The following CLVS1 variants were observed in gnomAD, a reference collection of about 807,000 sequenced individuals.
CLVS1 encodes the protein clavesin 1.
A neutral mutation model predicts 33.1 loss-of-function variants in CLVS1; 10 were observed. That is an observed-to-expected ratio of 0.30 (90% CI 0.19 to 0.51). The LOEUF (loss-of-function observed/expected upper bound fraction) is 0.51. CLVS1 is among the 20% of genes least tolerant of loss of function. CLVS1 has a pLI of 0.97. For synonymous variants in CLVS1, 163 were observed against 166.1 expected (o/e 0.98, Z 0.14); for missense variants, 343 against 433.4 (o/e 0.79, Z 1.85).
chr8:61,463,341 T>C (rs1333629135), intron 5 of CLVS1, among the ~76,000 whole-genome samples: 2 of 82,604 alleles, frequency 2.4e-5, no homozygotes, highest in African/African-American at 5.2e-5. Flanking sequence ...TCTTAGCATT[T>C]GTGTGTTCAC....
intron 3 of CLVS1, among the ~76,000 whole-genome samples, chr8:61,440,147 G>A (rs890874220): frequency 6.6e-6 from 1 of 152,160 alleles, no homozygotes; most frequent in African/African-American, 2.4e-5. Flanking sequence ...TGAAGACAAG[G>A]AATGTGTCTT....
At chr8:61,297,138 G>A (rs1232166684) in intron 1 of CLVS1, among the ~76,000 whole-genome samples, 2 of 152,256 alleles carry the variant, frequency 1.3e-5, no homozygotes, top group East Asian at 1.9e-4. Context: ...AATAAATCTG[G>A]AGAGTAAAGA....
chr8:61,264,597 C>G (rs1335128814), intron 2 of CLVS1: 1 of 152,224 alleles, frequency 6.6e-6, no homozygotes, highest in Non-Finnish European at 1.5e-5. Context: ...AGACCGTAGT[C>G]AGATTCAAAG....
chr8:61,067,608 GC>G (rs1804706713), intron 1 of CLVS1, among the ~76,000 whole-genome samples: 1 of 152,102 alleles, frequency 6.6e-6, no homozygotes, highest in South Asian at 2.1e-4. Context: ...AGAGGCTCAT[GC>G]CTTTAATCCC....
chr8:61,205,041 C>T, intron 2 of CLVS1, among the ~76,000 whole-genome samples: 1 of 152,054 alleles, frequency 6.6e-6, no homozygotes. Flanking sequence ...GAAAAATCTG[C>T]CAGGTTTCAA....
At chr8:61,449,692 A>T (rs537451786) in intron 3 of CLVS1, among the ~76,000 whole-genome samples, 2 of 152,088 alleles carry the variant, frequency 1.3e-5, no homozygotes, top group Admixed American at 1.3e-4. Context: ...TGTTGTCTGC[A>T]CCAGTTGGTT....
intron 2 of CLVS1, among the ~76,000 whole-genome samples, chr8:61,352,315 T>A (rs985845254): frequency 2.6e-5 from 4 of 151,892 alleles, no homozygotes; most frequent in Admixed American, 2.0e-4. Context: ...CTAAGATGTT[T>A]AAGTAACTCA....
At chr8:61,474,829 G>A (rs1012485498) in intron 5 of CLVS1, among the ~76,000 whole-genome samples, 9 of 152,198 alleles carry the variant, frequency 5.9e-5, no homozygotes, top group East Asian at 3.9e-4. Flanking sequence ...AAGTTTTATT[G>A]TACATATGCA....
At chr8:61,003,447 T>C in the CLVS1 span, among the ~76,000 whole-genome samples, 1 of 152,056 alleles carries the variant, frequency 6.6e-6, no homozygotes, top group Non-Finnish European at 1.5e-5. Context: ...AAGAGTTTGG[T>C]AGTATGCAGG....
intron 1 of CLVS1, among the ~76,000 whole-genome samples, chr8:61,100,992 T>A (rs988028367): frequency 6.6e-6 from 1 of 152,236 alleles, no homozygotes; most frequent in Admixed American, 6.5e-5. Context: ...GACACATTGG[T>A]TGTTTTCATT....
chr8:61,388,377 C>A (rs528915603), intron 3 of CLVS1, among the ~76,000 whole-genome samples: 3 of 150,218 alleles, frequency 2.0e-5, no homozygotes, highest in Admixed American at 6.6e-5. Flanking sequence ...TATGACAACA[C>A]CTTGATATCA....
chr8:61,477,028 G>A (rs182991113), intron 5 of CLVS1, among the ~76,000 whole-genome samples: 2,059 of 152,136 alleles, frequency 0.014, 49 homozygotes, highest in South Asian at 0.074. Context: ...TTTTATCAAA[G>A]GCCTTTTCTG....
At chr8:61,409,488 T>C (rs1427659932) in intron 3 of CLVS1, among the ~76,000 whole-genome samples, 1 of 152,216 alleles carries the variant, frequency 6.6e-6, no homozygotes, top group East Asian at 1.9e-4. Flanking sequence ...CCTCCTTATT[T>C]CTTTTGAATG....
chr8:61,066,861 A>G (rs1484659827), intron 1 of CLVS1, among the ~76,000 whole-genome samples: 1 of 152,200 alleles, frequency 6.6e-6, no homozygotes, highest in East Asian at 1.9e-4. Flanking sequence ...GTGTTCCATT[A>G]TTTCCATACA....
chr8:61,459,032 A>T (rs373985902), intron 5 of CLVS1, among the ~76,000 whole-genome samples: 1 of 152,238 alleles, frequency 6.6e-6, no homozygotes, highest in African/African-American at 2.4e-5. Flanking sequence ...CTTTTGCAGC[A>T]TATTTATAAA....
chr8:61,153,355 C>CA (rs1806580929), intron 2 of CLVS1, among the ~76,000 whole-genome samples: 1 of 152,136 alleles, frequency 6.6e-6, no homozygotes, highest in Middle Eastern at 3.2e-3. Context: ...TTTGAAATCT[C>CA]AATGTTCGCA....
In CLVS1 at chr8:61,298,482, A is replaced by G. The variant is rs1264685375; in HGVS notation, c.-151-1195A>G. On this transcript the variant is annotated intron_variant, in intron 1 of 5. Transcript: ENST00000325897. ...CCGTATCCAAAGACATATAAAGTAG[A>G]AATATGTGAGATGATTGTCTCTCTT... 1.1e-4 allele frequency among the ~76,000 whole-genome samples: 16 copies of G among 152,126 alleles called. 1 individual carries two copies. Among genetic ancestry groups the G allele is most frequent in the Non-Finnish European group, 2.4e-4 (16 of 67,992 alleles).
At chr8:61,027,518 A>G in the CLVS1 span, among the ~76,000 whole-genome samples, 1 of 152,096 alleles carries the variant, frequency 6.6e-6, no homozygotes, top group Non-Finnish European at 1.5e-5. Flanking sequence ...TGGGGTTCAT[A>G]TCTCAAGACC....
the CLVS1 span, among the ~76,000 whole-genome samples, chr8:60,992,289 C>A: frequency 2.0e-5 from 3 of 152,034 alleles, no homozygotes; most frequent in African/African-American, 7.2e-5. Flanking sequence ...TTCCTGTGTT[C>A]TATCACCTAT....
Sources: gnomAD v4.1 joint callset for allele counts (sites outside exome capture counted in the v4.1 genomes callset) on GRCh38, gnomAD v4.1.1 for gene constraint, MANE v1.5 for transcripts, NCBI Gene and HGNC (gene_info 2026-07-23, HGNC 2026-07-21) for gene names.